TAS2R1: variants seen among roughly 807,000 people sequenced by gnomAD.
TAS2R1 encodes the protein taste 2 receptor member 1.
For missense variants in TAS2R1, 370 were observed against 353.4 expected, an observed-to-expected ratio of 1.05 and a Z score of -0.38; for synonymous variants, 141 against 134.2, an observed-to-expected ratio of 1.05 and a Z score of -0.35.
At chr5:9,642,124 T>C (rs1046695965) in intron 2 of TAS2R1, among the ~76,000 whole-genome samples, 2 of 152,180 alleles carry the variant, frequency 1.3e-5, no homozygotes, top group Admixed American at 6.6e-5. Flanking sequence ...GAAAGTGCGA[T>C]TTTTTTCACA....
intron 1 of TAS2R1, among the ~76,000 whole-genome samples, chr5:9,690,375 A>G (rs558793744): frequency 9.8e-5 from 15 of 152,308 alleles, no homozygotes; most frequent in Admixed American, 2.6e-4. Context: ...TGATGGCTGC[A>G]CTGTAAAGCT....
the TAS2R1 span, among the ~76,000 whole-genome samples, chr5:9,783,039 C>T: frequency 2.0e-5 from 3 of 152,160 alleles, no homozygotes; most frequent in Non-Finnish European, 2.9e-5. Context: ...CTGTCCTTGC[C>T]TCCCCATGGC....
chr5:9,779,830 C>T, the TAS2R1 span, among the ~76,000 whole-genome samples: 1 of 152,182 alleles, frequency 6.6e-6, no homozygotes, highest in Admixed American at 6.5e-5. Flanking sequence ...TTGTTGGATG[C>T]AAGGCTGTCG....
In TAS2R1 at chr5:9,627,891, C is replaced by T. The variant is rs1267372064; in HGVS notation, c.*1242G>A. 6.6e-6 allele frequency among the ~76,000 whole-genome samples: 1 copy of T among 152,182 alleles called. No individual in the cohort carries two copies. Among genetic ancestry groups the T allele is most frequent in the Admixed American group, 6.5e-5 (1 of 15,284 alleles). On this transcript the variant is annotated 3_prime_UTR_variant, in exon 1 of 1. Transcript: ENST00000382492. The stretch of plus-strand genomic sequence containing the variant: ...AAGTACGTCCCTGAATCTCCTGAAG[C>T]AAAATCCTTCATTGGTGTATTATAA...
chr5:9,856,370 C>A, the TAS2R1 span, among the ~76,000 whole-genome samples: 1 of 151,906 alleles, frequency 6.6e-6, no homozygotes, highest in Non-Finnish European at 1.5e-5. Context: ...GGAGGCTCTC[C>A]TTATATTAAG....
intron 1 of TAS2R1, among the ~76,000 whole-genome samples, chr5:9,700,132 C>T (rs1269478252): frequency 6.6e-6 from 1 of 152,148 alleles, no homozygotes. Flanking sequence ...GAATCCTGAA[C>T]ACAATGAGGC....
At chr5:9,846,140 G>T in the TAS2R1 span, among the ~76,000 whole-genome samples, 1 of 152,152 alleles carries the variant, frequency 6.6e-6, no homozygotes, top group Admixed American at 6.6e-5. Context: ...AACCAAGAAA[G>T]CTATTTCCGA....
At chr5:9,634,408 G>A (rs147214428), upstream of TAS2R1, among the ~76,000 whole-genome samples, 193 of 151,940 alleles carry the variant, frequency 1.3e-3, 2 homozygotes, top group African/African-American at 4.3e-3. Context: ...TGTTGTTGTT[G>A]CGTAGTCTTG....
chr5:9,802,604 G>C, the TAS2R1 span, among the ~76,000 whole-genome samples: 1 of 152,080 alleles, frequency 6.6e-6, no homozygotes, highest in Non-Finnish European at 1.5e-5. Context: ...CAAAATCTCT[G>C]AATTAAAAGA....
chr5:9,712,235 AG>A (rs1278557890), upstream of TAS2R1: 2 of 152,224 alleles, frequency 1.3e-5, no homozygotes, highest in African/African-American at 4.8e-5. Context: ...GGTGCTTCAT[AG>A]GCACAGTCCA....
chr5:9,783,538 GC>G, the TAS2R1 span, among the ~76,000 whole-genome samples: 2 of 152,136 alleles, frequency 1.3e-5, no homozygotes, highest in Non-Finnish European at 2.9e-5. Flanking sequence ...TTGAGTGTAA[GC>G]CCAGTTTCTC....
At chr5:9,861,927 C>CA in the TAS2R1 span, among the ~76,000 whole-genome samples, 1 of 152,214 alleles carries the variant, frequency 6.6e-6, no homozygotes, top group Non-Finnish European at 1.5e-5. Context: ...CACACTTAAG[C>CA]ATAATGGAAC....
At chr5:9,670,310 T>G (rs1740723964) in intron 1 of TAS2R1, among the ~76,000 whole-genome samples, 1 of 152,330 alleles carries the variant, frequency 6.6e-6, no homozygotes, top group South Asian at 2.1e-4. Context: ...TCTCTGTTCA[T>G]AGTGAATATA....
chr5:9,845,507 A>T, the TAS2R1 span, among the ~76,000 whole-genome samples: 1 of 152,352 alleles, frequency 6.6e-6, no homozygotes, highest in South Asian at 2.1e-4. Context: ...CTTCAGGGAT[A>T]AGGCAGTCAT....
At chr5:9,735,176 G>A in the TAS2R1 span, among the ~76,000 whole-genome samples, 7 of 151,422 alleles carry the variant, frequency 4.6e-5, no homozygotes, top group South Asian at 2.1e-4. Context: ...ACTGGAAGGC[G>A]GAAGTCTGTC....
intron 2 of TAS2R1, among the ~76,000 whole-genome samples, chr5:9,651,862 C>T (rs147445676): frequency 2.5e-4 from 38 of 152,270 alleles, no homozygotes; most frequent in African/African-American, 7.7e-4. Flanking sequence ...AAGTCATCTT[C>T]AGCCCACCAA....
chr5:9,670,130 C>T (rs1304214356), intron 1 of TAS2R1, among the ~76,000 whole-genome samples: 2 of 152,040 alleles, frequency 1.3e-5, no homozygotes, highest in South Asian at 2.1e-4. Context: ...CACCTCTATG[C>T]ACACAAATTA....
chr5:9,721,725 T>C, the TAS2R1 span, among the ~76,000 whole-genome samples: 56 of 152,358 alleles, frequency 3.7e-4, no homozygotes, highest in African/African-American at 1.3e-3. Context: ...CTTTGGGTAA[T>C]TGGAAAGTAG....
the TAS2R1 span, among the ~76,000 whole-genome samples, chr5:9,759,387 T>C: frequency 6.6e-6 from 1 of 152,118 alleles, no homozygotes; most frequent in Admixed American, 6.5e-5. Context: ...CCAAAGTCGA[T>C]GGCAATGTTG....
Sources: allele counts gnomAD v4.1 joint callset (sites outside exome capture counted in the v4.1 genomes callset), GRCh38; gene constraint gnomAD v4.1.1; transcripts MANE v1.5; gene names NCBI Gene and HGNC (gene_info 2026-07-23, HGNC 2026-07-21).